Variants in SLC30A7 observed in about 807,000 individuals in gnomAD.
The protein encoded by SLC30A7 is zinc transporter 7.
A neutral mutation model predicts 46.0 loss-of-function variants in SLC30A7; 35 were observed. That is an observed-to-expected ratio of 0.76 (90% CI 0.58 to 1.01). The LOEUF is 1.01. Ranked by LOEUF, SLC30A7 falls within the 50% of genes least tolerant of loss-of-function variation. The pLI, the probability that SLC30A7 is intolerant of heterozygous loss-of-function variation, is 0.00. For synonymous variants in SLC30A7, 147 were observed against 157.8 expected, an observed-to-expected ratio of 0.93 and a Z score of 0.51; for missense variants, 464 against 451.1, an observed-to-expected ratio of 1.03 and a Z score of -0.26.
At chr1:100,974,220 GATA>G (rs923568807) in intron 10 of SLC30A7, among the ~76,000 whole-genome samples, 3 of 152,138 alleles carry the variant, frequency 2.0e-5, no homozygotes, top group Non-Finnish European at 4.4e-5. Flanking sequence ...GTACCCAAAA[GATA>G]ATTTCTCATG....
chr1:100,947,532 G>T (rs1654708637), intron 8 of SLC30A7, among the ~76,000 whole-genome samples: 3 of 152,202 alleles, frequency 2.0e-5, no homozygotes, highest in African/African-American at 7.2e-5. Flanking sequence ...ATATTCTGTT[G>T]ATTTGGGGTG....
intron 6 of SLC30A7, among the ~76,000 whole-genome samples, chr1:100,914,325 C>A (rs1449125788): frequency 1.3e-5 from 2 of 152,152 alleles, no homozygotes; most frequent in African/African-American, 4.8e-5. Flanking sequence ...TACTCATTAA[C>A]CGTCCCCCTT....
intron 8 of SLC30A7, among the ~76,000 whole-genome samples, chr1:100,931,855 A>AT (rs991931939): frequency 1.3e-5 from 2 of 152,224 alleles, no homozygotes; most frequent in East Asian, 1.9e-4. Context: ...ATACTGTATT[A>AT]TTTTTTCCTT....
At chr1:100,942,290 T>A (rs1654395142) in intron 8 of SLC30A7, among the ~76,000 whole-genome samples, 1 of 152,192 alleles carries the variant, frequency 6.6e-6, no homozygotes, top group African/African-American at 2.4e-5. Context: ...TGCATATACC[T>A]TTAATTAAGC....
chr1:100,936,596 AT>A (rs1653977829), intron 8 of SLC30A7, among the ~76,000 whole-genome samples: 2 of 152,198 alleles, frequency 1.3e-5, no homozygotes, highest in South Asian at 4.1e-4. Context: ...GATAAGCATA[AT>A]ATAAAATTTA....
intron 10 of SLC30A7, among the ~76,000 whole-genome samples, chr1:100,966,411 G>A (rs1156593081): frequency 3.3e-5 from 5 of 151,632 alleles, no homozygotes; most frequent in African/African-American, 4.8e-5. Context: ...GTGAGACCCC[G>A]TCTCTCTACT....
rs1356860110 is a variant in SLC30A7, at chr1:100,977,864, CTG to C, written c.*3009_*3010del. The C allele has an allele frequency of 6.6e-6, 1 of 152,278 alleles. No individual in the cohort carries two copies. 9.4% of individuals were successfully genotyped at this position (152,278 alleles called of 1,614,324 possible). ...CACCTCCCGGGTTCAAGTGATTCTC[CTG>C]TCTCAGCTCCCTGAGTAACTGGAAT... On this transcript the variant is annotated 3_prime_UTR_variant, in exon 11 of 11. Coordinates refer to ENST00000357650, the MANE Select transcript of SLC30A7 (RefSeq NM_133496.5).
chr1:100,981,926 T>C (rs116547066), downstream of SLC30A7, among the ~76,000 whole-genome samples: 265 of 152,300 alleles, frequency 1.7e-3, 1 homozygote, highest in African/African-American at 6.0e-3. Flanking sequence ...GTTGGAAGTA[T>C]CTTTACATTG....
chr1:100,917,975 C>A, intron 6 of SLC30A7, 102 bp from the exon 7 acceptor site: 2 of 827,422 alleles, frequency 2.4e-6, no homozygotes, highest in Non-Finnish European at 4.0e-6. Context: ...GGCTATATAG[C>A]CATGCATTCT....
the SLC30A7 span, among the ~76,000 whole-genome samples, chr1:100,987,964 T>C: frequency 1.3e-5 from 2 of 152,222 alleles, no homozygotes; most frequent in Non-Finnish European, 2.9e-5. Context: ...CAAGCCCTTC[T>C]AACTTGTCAG....
At chr1:100,992,803 G>A in the SLC30A7 span, 1 of 1,130,404 alleles carries the variant, frequency 8.8e-7, no homozygotes, top group Non-Finnish European at 1.3e-6. Flanking sequence ...TGTTATTAAT[G>A]CAATTAGCTC....
intron 8 of SLC30A7, among the ~76,000 whole-genome samples, chr1:100,924,184 C>T (rs1489147254): frequency 2.0e-5 from 3 of 152,236 alleles, no homozygotes; most frequent in African/African-American, 4.8e-5. Context: ...ATGACTCTTA[C>T]CCTTAGGATA....
intron 8 of SLC30A7, among the ~76,000 whole-genome samples, chr1:100,956,116 A>G (rs559945517): frequency 1.3e-4 from 20 of 152,246 alleles, no homozygotes; most frequent in African/African-American, 3.6e-4. Context: ...ATAAAAATGC[A>G]CTATAATTTT....
intron 8 of SLC30A7, among the ~76,000 whole-genome samples, chr1:100,924,831 TACAC>T (rs1478369241): frequency 2.0e-5 from 3 of 152,062 alleles, no homozygotes; most frequent in Admixed American, 6.6e-5. Context: ...TAAGTAAACA[TACAC>T]AGACACACAA....
At chr1:100,989,938 C>G in the SLC30A7 span, 1 of 154,524 alleles carries the variant, frequency 6.5e-6, no homozygotes, top group African/African-American at 2.4e-5. Flanking sequence ...GTTGAGTCAA[C>G]TTCTTTTTGG....
At chr1:100,923,267 CGGCCTCCCA>C (rs1653072284) in intron 8 of SLC30A7, among the ~76,000 whole-genome samples, 12 of 105,948 alleles carry the variant, frequency 1.1e-4, no homozygotes, top group East Asian at 2.4e-4. Context: ...CCGCCCGCCT[CGGCCTCCCA>C]AAGTGCTGGG....
intron 8 of SLC30A7, among the ~76,000 whole-genome samples, chr1:100,930,186 GT>G (rs1157858539): frequency 6.6e-6 from 1 of 151,928 alleles, no homozygotes; most frequent in Non-Finnish European, 1.5e-5. Context: ...CAACTCACCA[GT>G]TACCATCTTG....
chr1:100,896,516 G>T, intron 1 of SLC30A7, 54 bp from the exon 2 acceptor site: 1 of 1,532,478 alleles, frequency 6.5e-7, no homozygotes, highest in Non-Finnish European at 9.0e-7. Context: ...CCAGCCTCGG[G>T]GTCCCGGCAC....
chr1:100,985,130 A>G (rs559105615), downstream of SLC30A7, among the ~76,000 whole-genome samples: 1 of 152,356 alleles, frequency 6.6e-6, no homozygotes, highest in South Asian at 2.1e-4. Flanking sequence ...TAGGCAACAG[A>G]GAAAACAGAC....
Sources: allele counts gnomAD v4.1 joint callset (sites outside exome capture counted in the v4.1 genomes callset), GRCh38; gene constraint gnomAD v4.1.1; transcripts MANE v1.5; gene names NCBI Gene and HGNC (gene_info 2026-07-23, HGNC 2026-07-21).